Variants in VTCN1 observed in about 807,000 individuals in gnomAD.
VTCN1 encodes V-set domain-containing T-cell activation inhibitor 1.
VTCN1 carries 26 observed loss-of-function variants against 26.5 expected under a neutral mutation model. The observed-to-expected ratio is 0.98, with a 90% CI of 0.72 to 1.36. VTCN1 has a LOEUF of 1.36. Ranked by LOEUF, VTCN1 falls within the 40% of genes most tolerant of loss-of-function variation. The probability of loss-of-function intolerance (pLI) is 0.00; values close to 1 mark genes in which losing one functional copy is unlikely to be tolerated. For synonymous variants in VTCN1, 116 were observed against 130.7 expected (o/e 0.89, Z 0.77); for missense variants, 298 against 337.7 (o/e 0.88, Z 0.92).
At chr1:117,166,015 G>A (rs1652587942) in intron 2 of VTCN1, among the ~76,000 whole-genome samples, 1 of 152,178 alleles carries the variant, frequency 6.6e-6, no homozygotes, top group Non-Finnish European at 1.5e-5. Context: ...ATGGGAAGGA[G>A]GCAGAACACC....
Position 117,155,121 on chromosome 1 carries a change from T to A in VTCN1, c.445+1453A>T, listed in dbSNP as rs1652002771. 6.6e-6 allele frequency among the ~76,000 whole-genome samples: 1 copy of A among 152,220 alleles called. No homozygotes were observed. On this transcript the variant is annotated intron_variant, in intron 3 of 5. Transcript: ENST00000369458. This position sits in a 1 kb window ranked among gnomAD's most constrained non-coding sequence, Gnocchi z 4.8. The stretch of plus-strand genomic sequence containing the variant: ...TGAGGAGTACTGGTTAGGTATTCTG[T>A]AGGTTGCCCCTCTGTTAGAATTCAT...
Position 117,159,191 on chromosome 1 carries a change from G to C in VTCN1, c.98-2270C>G, listed in dbSNP as rs1652245193. 6.6e-6 allele frequency among the ~76,000 whole-genome samples: 1 copy of C among 152,110 alleles called. No homozygotes were observed. On this transcript the variant is annotated intron_variant, in intron 2 of 5. Transcript: ENST00000369458. The surrounding 1 kb of genome is among the most constrained non-coding windows in gnomAD (Gnocchi z 4.7). ...CTTTTCAGCAGTGCCCCACTCTACTGGTACCAATTTACTGTATTAGTCCAT... is the reference window on the plus strand; with the variant it reads ...CTTTTCAGCAGTGCCCCACTCTACTCGTACCAATTTACTGTATTAGTCCAT...
rs1406548727 is a variant in VTCN1 at position 117,144,593 on chromosome 1, A to G, written c.*678T>C. 6.6e-6 allele frequency: 1 copy of G among 152,280 alleles called. No homozygotes were observed. The highest frequency in any genetic ancestry group is 1.5e-5 in the Non-Finnish European group (1 of 68,036). The allele number at this position is 152,280 out of a possible 1,614,324, so 9.4% of individuals were successfully genotyped here. On this transcript the variant is annotated 3_prime_UTR_variant, in exon 6 of 6. Transcript: ENST00000369458. ...TTGTTTGTTTAAAAAGAAGGTGCTC[A>G]GTTTATTTATAAAATCGGTGTCGCC...
rs189875836 is a variant in VTCN1 at position 117,192,435 on chromosome 1, T to C, written c.32+18389A>G. Among the ~76,000 whole-genome samples, 329 of 152,140 alleles carry C rather than the reference T, an allele frequency of 2.2e-3. 6 individuals are homozygous for C. Among genetic ancestry groups the C allele is most frequent in the Admixed American group, 0.019 (293 of 15,280 alleles). Reference sequence around the variant, plus strand: ...GAAATTAAAGGATGCTAAGTAACAATATGAAAGCATATAAAAGTATAAAAT... The same window carrying C: ...GAAATTAAAGGATGCTAAGTAACAACATGAAAGCATATAAAAGTATAAAAT... On this transcript the variant is annotated intron_variant, in intron 1 of 5. Coordinates refer to ENST00000369458, the MANE Select transcript of VTCN1 (RefSeq NM_024626.4).
intron 4 of VTCN1, among the ~76,000 whole-genome samples, chr1:117,149,267 C>T (rs1206767078): frequency 1.3e-5 from 2 of 150,974 alleles, no homozygotes; most frequent in African/African-American, 2.4e-5. Context: ...ACTCCCCACA[C>T]ATATTGCTCC....
chr1:117,162,263 GT>G (rs1425861685), intron 2 of VTCN1, among the ~76,000 whole-genome samples: 3 of 152,152 alleles, frequency 2.0e-5, no homozygotes, highest in African/African-American at 7.2e-5. Context: ...TAAAATACTT[GT>G]TTGTTAAGTG....
Position 117,143,859 on chromosome 1 carries a change from T to C in VTCN1, c.*1412A>G, listed in dbSNP as rs1364832079. ...TATATGTTTGTTGCCTTAATTTGAATTGTGGCCAGGCAGGGTCTGGAGATC... is the reference window on the plus strand; with the variant it reads ...TATATGTTTGTTGCCTTAATTTGAACTGTGGCCAGGCAGGGTCTGGAGATC... On this transcript the variant is annotated 3_prime_UTR_variant, in exon 6 of 6. Coordinates refer to ENST00000369458, the MANE Select transcript of VTCN1 (RefSeq NM_024626.4). 6.6e-6 allele frequency: 1 copy of C among 152,210 alleles called. No individual in the cohort carries two copies. Among genetic ancestry groups the C allele is most frequent in the Non-Finnish European group, 1.5e-5 (1 of 68,040 alleles). The allele number at this position is 152,210 out of a possible 1,614,324, so 9.4% of individuals were successfully genotyped here. A position where few individuals can be genotyped will look rare whatever the true frequency, so the allele number is the denominator to read the frequency against.
chr1:117,208,897 A>G (rs1048197261), intron 1 of VTCN1, among the ~76,000 whole-genome samples: 1 of 152,178 alleles, frequency 6.6e-6, no homozygotes, highest in African/African-American at 2.4e-5. Flanking sequence ...GCGTTCCAAC[A>G]TCACCACTGT....
At chr1:117,165,596 T>A (rs1050941110) in intron 2 of VTCN1, among the ~76,000 whole-genome samples, 1 of 152,172 alleles carries the variant, frequency 6.6e-6, no homozygotes, top group Non-Finnish European at 1.5e-5. Flanking sequence ...GCTCCTGCTT[T>A]CGACATATGA....
At chr1:117,194,515 C>A (rs572407565) in intron 1 of VTCN1, among the ~76,000 whole-genome samples, 43 of 152,286 alleles carry the variant, frequency 2.8e-4, no homozygotes, top group African/African-American at 9.4e-4. Flanking sequence ...AATCTCACTA[C>A]TGGGTATATA....
chr1:117,163,094 T>C (rs1234849576), intron 2 of VTCN1, among the ~76,000 whole-genome samples: 1 of 152,218 alleles, frequency 6.6e-6, no homozygotes, highest in East Asian at 1.9e-4. Context: ...GGGTCAAACC[T>C]GTGAGTGTCA....
rs1347940533 is a variant in VTCN1, at chr1:117,169,838, T to C, written c.97+269A>G. Among the ~76,000 whole-genome samples, 1 of 152,090 alleles carries C rather than the reference T, an allele frequency of 6.6e-6. No homozygotes were observed. The highest frequency in any genetic ancestry group is 1.5e-5 in the Non-Finnish European group (1 of 68,010). Reference sequence around the variant, plus strand: ...TGAACCCAGGAGGTGGAGGTTGCAGTAAGCTGAGATCATGCCACTGCACTC... The same window carrying C: ...TGAACCCAGGAGGTGGAGGTTGCAGCAAGCTGAGATCATGCCACTGCACTC... On this transcript the variant is annotated intron_variant, in intron 2 of 5. Coordinates refer to ENST00000369458, the MANE Select transcript of VTCN1 (RefSeq NM_024626.4). This position sits in a 1 kb window ranked among gnomAD's most constrained non-coding sequence, Gnocchi z 4.0.
intron 1 of VTCN1, among the ~76,000 whole-genome samples, chr1:117,209,331 G>A (rs895370441): frequency 6.6e-6 from 1 of 152,206 alleles, no homozygotes; most frequent in Non-Finnish European, 1.5e-5. Context: ...GGAGCCACTT[G>A]TTGCAGGAGG....
intron 1 of VTCN1, 107 bp from the exon 2 acceptor site, chr1:117,170,278 C>T (rs767950593): frequency 9.2e-7 from 1 of 1,089,498 alleles, no homozygotes; most frequent in Non-Finnish European, 1.4e-6. Context: ...TTACATAAAG[C>T]ATCTCAACTT....
At position 117,166,405 on chromosome 1, in the gene VTCN1, G is replaced by A. The variant is rs149539544; in HGVS notation, c.97+3702C>T. Among the ~76,000 whole-genome samples, 13 of 152,182 alleles carry A rather than the reference G, an allele frequency of 8.5e-5. No individual in the cohort carries two copies. The East Asian group carries it at 2.3e-3, about 27-fold the overall frequency. On this transcript the variant is annotated intron_variant, in intron 2 of 5. Coordinates refer to ENST00000369458, the MANE Select transcript of VTCN1 (RefSeq NM_024626.4). Reference sequence around the variant, plus strand: ...ATTTAGAGTGACAAATAAATACTAGGGTTTTAGTTGAAGGTGATGTATAAG... The same window carrying A: ...ATTTAGAGTGACAAATAAATACTAGAGTTTTAGTTGAAGGTGATGTATAAG...
rs1652784667 is a variant in VTCN1 at position 117,169,501 on chromosome 1, G to A, written c.97+606C>T. 6.6e-6 allele frequency among the ~76,000 whole-genome samples: 1 copy of A among 152,196 alleles called. No homozygotes were observed. The highest frequency in any genetic ancestry group is 1.5e-5 in the Non-Finnish European group (1 of 68,032). On this transcript the variant is annotated intron_variant, in intron 2 of 5. Transcript: ENST00000369458. The surrounding 1 kb of genome is among the most constrained non-coding windows in gnomAD (Gnocchi z 4.0). Reference sequence around the variant, plus strand: ...AGCACTTCACCTATGATCCCAGAATGACATCTTCAGCACTGACTGATAGAT... The same window carrying A: ...AGCACTTCACCTATGATCCCAGAATAACATCTTCAGCACTGACTGATAGAT...
intron 1 of VTCN1, among the ~76,000 whole-genome samples, chr1:117,202,754 G>T (rs958102661): frequency 1.3e-5 from 2 of 152,170 alleles, no homozygotes. Flanking sequence ...GGCAGAGTTG[G>T]ATGGACCCAG....
intron 1 of VTCN1, chr1:117,173,211 G>T: frequency 2.8e-6 from 2 of 716,076 alleles, no homozygotes; most frequent in South Asian, 1.5e-5. Context: ...CTTCATTCTT[G>T]AAGTCAGCAA....
rs773797959 is a variant in VTCN1, at chr1:117,153,161, C to T, written c.654G>A (p.Thr218=). 1.9e-5 allele frequency: 31 copies of T among 1,613,944 alleles called. 2 individuals are homozygous for T. The Admixed American group carries it at 2.2e-4, about 11-fold the overall frequency. Residue 218 remains threonine (T), a synonymous_variant, in exon 4 of 6, where the codon ACG becomes ACA. Transcript: ENST00000369458. ...TCATACAGGAGTATGTGTTGTTGAT[C>T]GTAACATTGTAGAGCACAGACACAA... ...MKVVSVLYNV[T]INNTYSCMIE... is the part of the protein sequence containing the mutation.
Sources: allele counts gnomAD v4.1 joint callset (sites outside exome capture counted in the v4.1 genomes callset), GRCh38; gene constraint gnomAD v4.1.1; non-coding constraint Gnocchi (gnomAD v3.1); transcripts MANE v1.5; gene names NCBI Gene and HGNC (gene_info 2026-07-23, HGNC 2026-07-21).